Variants in CAMKMT observed in about 807,000 individuals in gnomAD.
The protein encoded by CAMKMT is calmodulin-lysine N-methyltransferase, also known as CaM KMT.
Under a neutral mutation model 48.0 loss-of-function variants are expected in CAMKMT, and 53 were observed. The observed-to-expected ratio is 1.10, with a 90% CI of 0.89 to 1.39. CAMKMT has a LOEUF of 1.39. CAMKMT is among the 40% of genes most tolerant of loss of function. The pLI is 0.00. For missense variants in CAMKMT, 428 were observed against 402.7 expected, an observed-to-expected ratio of 1.06 and a Z score of -0.54; for synonymous variants, 165 against 152.3, an observed-to-expected ratio of 1.08 and a Z score of -0.61.
intron 3 of CAMKMT, chr2:44,456,600 C>T (rs892242687): frequency 1.7e-5 from 26 of 1,549,416 alleles, no homozygotes; most frequent in South Asian, 7.1e-5. Flanking sequence ...AAGATATCAC[C>T]ATCAGTAGTA....
chr2:44,480,396 T>G (rs1195559296), intron 3 of CAMKMT, among the ~76,000 whole-genome samples: 1 of 152,154 alleles, frequency 6.6e-6, no homozygotes, highest in Non-Finnish European at 1.5e-5. Flanking sequence ...CAAGTGAACA[T>G]TAAAAAAATT....
chr2:44,490,010 T>TCA (rs975749765), intron 3 of CAMKMT, among the ~76,000 whole-genome samples: 331 of 151,034 alleles, frequency 2.2e-3, no homozygotes, highest in African/African-American at 7.5e-3. Flanking sequence ...ACACGCACAC[T>TCA]CACACACACA....
intron 3 of CAMKMT, among the ~76,000 whole-genome samples, chr2:44,600,888 A>G (rs1466340873): frequency 6.6e-6 from 1 of 152,070 alleles, no homozygotes; most frequent in East Asian, 1.9e-4. Flanking sequence ...AGACTCGGGA[A>G]TTTATGTAAG....
chr2:44,416,822 G>A (rs1035510841), intron 3 of CAMKMT, among the ~76,000 whole-genome samples: 1 of 151,812 alleles, frequency 6.6e-6, no homozygotes, highest in African/African-American at 2.4e-5. Context: ...TGATCCACCC[G>A]CCTCAGCCTC....
At chr2:44,691,686 A>C (rs986666786) in intron 3 of CAMKMT, among the ~76,000 whole-genome samples, 6 of 152,170 alleles carry the variant, frequency 3.9e-5, no homozygotes, top group Non-Finnish European at 7.3e-5. Flanking sequence ...CAGATCCCAG[A>C]GGTTAAGAAT....
At chr2:44,562,735 A>AT (rs1325941243) in intron 3 of CAMKMT, among the ~76,000 whole-genome samples, 3 of 152,114 alleles carry the variant, frequency 2.0e-5, no homozygotes, top group Admixed American at 2.0e-4. Context: ...TAATTCTTGT[A>AT]TTTTTAGTAG....
chr2:44,414,567 C>T (rs1293820466), intron 3 of CAMKMT, among the ~76,000 whole-genome samples: 6 of 152,188 alleles, frequency 3.9e-5, no homozygotes, highest in African/African-American at 7.2e-5. Flanking sequence ...AGAGAGTGGA[C>T]ACCCAAGATG....
At chr2:44,743,070 C>T (rs1679769386) in intron 7 of CAMKMT, among the ~76,000 whole-genome samples, 1 of 152,096 alleles carries the variant, frequency 6.6e-6, no homozygotes, top group East Asian at 1.9e-4. Context: ...AAACCTGATC[C>T]CCTTTGGGAG....
At chr2:44,476,198 G>A (rs904895980) in intron 3 of CAMKMT, among the ~76,000 whole-genome samples, 9 of 152,052 alleles carry the variant, frequency 5.9e-5, no homozygotes, top group African/African-American at 1.7e-4. Flanking sequence ...GAAAATTACA[G>A]TTTTTAAACT....
intron 3 of CAMKMT, among the ~76,000 whole-genome samples, chr2:44,430,894 A>G (rs1306931936): frequency 6.6e-6 from 1 of 152,252 alleles, no homozygotes; most frequent in African/African-American, 2.4e-5. Flanking sequence ...ATGTTAAATT[A>G]GTAAAGATTT....
chr2:44,644,080 G>GACT (rs1321266981), intron 3 of CAMKMT, among the ~76,000 whole-genome samples: 1 of 152,134 alleles, frequency 6.6e-6, no homozygotes, highest in Non-Finnish European at 1.5e-5. Flanking sequence ...TAACTAACAT[G>GACT]ACTATGATCA....
chr2:44,549,464 A>G, intron 3 of CAMKMT: 1 of 672,082 alleles, frequency 1.5e-6, no homozygotes, highest in South Asian at 1.7e-5. Context: ...TTTCCTGTCC[A>G]GTCACTTGCC....
intron 3 of CAMKMT, among the ~76,000 whole-genome samples, chr2:44,517,822 A>G (rs905111560): frequency 3.3e-5 from 5 of 152,224 alleles, no homozygotes; most frequent in Non-Finnish European, 5.9e-5. Flanking sequence ...TACTGAGTTG[A>G]AATTTCACTG....
At chr2:44,539,036 G>C (rs560966051) in intron 3 of CAMKMT, among the ~76,000 whole-genome samples, 1 of 148,408 alleles carries the variant, frequency 6.7e-6, no homozygotes, top group Non-Finnish European at 1.5e-5. Context: ...AGGCGCAGTG[G>C]CTCACGCCTG....
chr2:44,562,257 TACA>T (rs1225599908), intron 3 of CAMKMT, among the ~76,000 whole-genome samples: 1 of 152,170 alleles, frequency 6.6e-6, no homozygotes, highest in African/African-American at 2.4e-5. Flanking sequence ...GAGCAGTTTT[TACA>T]ACAAACGAAT....
rs112480098 is a variant in CAMKMT, at chr2:44,674,234, A to G, written c.377-30049A>G. On this transcript the variant is annotated intron_variant, in intron 3 of 10. Coordinates refer to ENST00000378494, the MANE Select transcript of CAMKMT (RefSeq NM_024766.5). ...ATTGTTTGAATGATGTAAGAAGGAA[A>G]GGTTGATAATCCAAAAGGGTATGCA... Among the ~76,000 whole-genome samples, 514 of 152,334 alleles carry G rather than the reference A, an allele frequency of 3.4e-3. 4 individuals carry two copies. The highest frequency in any genetic ancestry group is 0.012 in the African/African-American group (485 of 41,574).
chr2:44,571,895 A>G (rs2103737927), intron 3 of CAMKMT, among the ~76,000 whole-genome samples: 2 of 152,360 alleles, frequency 1.3e-5, no homozygotes, highest in Middle Eastern at 6.8e-3. Context: ...TGATATTAAC[A>G]TATGAAATAA....
At chr2:44,752,205 A>C (rs1007475966) in intron 8 of CAMKMT, among the ~76,000 whole-genome samples, 1 of 151,430 alleles carries the variant, frequency 6.6e-6, no homozygotes, top group African/African-American at 2.4e-5. Flanking sequence ...TTCTAAGCTC[A>C]GTTATTATGA....
chr2:44,538,697 C>G (rs983514336), intron 3 of CAMKMT, among the ~76,000 whole-genome samples: 1 of 151,902 alleles, frequency 6.6e-6, no homozygotes, highest in Non-Finnish European at 1.5e-5. Context: ...GATGGGTGTG[C>G]TAAAATCTCA....
Sources: allele counts gnomAD v4.1 joint callset (sites outside exome capture counted in the v4.1 genomes callset), GRCh38; gene constraint gnomAD v4.1.1; transcripts MANE v1.5; gene names NCBI Gene and HGNC (gene_info 2026-07-23, HGNC 2026-07-21).